The following MED26 variants were observed in gnomAD, a reference collection of about 807,000 sequenced individuals.
MED26 encodes mediator complex subunit 26, also known as mediator of RNA polymerase II transcription subunit 26.
Under a neutral mutation model 43.7 loss-of-function variants are expected in MED26, and 7 were observed. The ratio of observed to expected loss-of-function variants is 0.16; its 90% CI spans 0.09 to 0.30. The LOEUF (loss-of-function observed/expected upper bound fraction) is 0.30, where lower values mean the gene tolerates loss of function less well. Among genes scored for constraint, MED26 ranks in the 10% least tolerant of loss-of-function variants. The pLI is 1.00. For synonymous variants in MED26, 375 were observed against 371.1 expected (o/e 1.01, Z -0.12); for missense variants, 784 against 840.6 (o/e 0.93, Z 0.83).
intron 1 of MED26, among the ~76,000 whole-genome samples, chr19:16,596,688 C>G (rs957140132): frequency 2.0e-5 from 3 of 152,170 alleles, no homozygotes; most frequent in Non-Finnish European, 4.4e-5. Flanking sequence ...GTGGAAGAGG[C>G]AAGAGCAGAT....
intron 1 of MED26, among the ~76,000 whole-genome samples, chr19:16,584,410 C>A (rs1168469374): frequency 6.6e-6 from 1 of 152,166 alleles, no homozygotes; most frequent in Non-Finnish European, 1.5e-5. Flanking sequence ...AGCCACAATT[C>A]CAGCCAGCCT....
intron 1 of MED26, among the ~76,000 whole-genome samples, chr19:16,591,760 T>C (rs907758924): frequency 1.3e-5 from 2 of 152,248 alleles, no homozygotes; most frequent in Non-Finnish European, 2.9e-5. Context: ...GGATCCATCC[T>C]CCTGACCTGA....
Position 16,577,616 on chromosome 19 carries a change from G to A in MED26, c.214C>T (p.Arg72Trp). 1 of 1,597,004 alleles carries A rather than the reference G, an allele frequency of 6.3e-7. No homozygotes were observed. Among genetic ancestry groups the A allele is most frequent in the Non-Finnish European group, 8.6e-7 (1 of 1,169,344 alleles). ...CAGCTCCGCAGCAGCTTCTTGGCCCGCTTGGCGAGCTCCTCGTTCTTGGTT... is the reference window on the plus strand; with the variant it reads ...CAGCTCCGCAGCAGCTTCTTGGCCCACTTGGCGAGCTCCTCGTTCTTGGTT... Reference protein sequence around the residue: ...KKTKNEELAKRAKKLLRSWQK... With the variant: ...KKTKNEELAKWAKKLLRSWQK... Residue 72 changes from arginine (R) to tryptophan (W), a missense_variant, in exon 3 of 3, where the codon CGG (arginine) becomes TGG (tryptophan). Arg to Trp is a moderately radical substitution (Grantham distance 101). Transcript: ENST00000263390. This position sits in a 1 kb window ranked among gnomAD's most constrained non-coding sequence, Gnocchi z 8.1.
In MED26 at chr19:16,586,279, G is replaced by C. The variant is rs116503217; in HGVS notation, c.73-7870C>G. On this transcript the variant is annotated intron_variant, in intron 1 of 2. Transcript: ENST00000263390. The surrounding 1 kb of genome is among the most constrained non-coding windows in gnomAD (Gnocchi z 5.1). Reference sequence around the variant, plus strand: ...CTCACAAGCGCACTCTACAGATAAGGTAACTGAGGGCCAGGAAGGTAATGG... The same window carrying C: ...CTCACAAGCGCACTCTACAGATAAGCTAACTGAGGGCCAGGAAGGTAATGG... 6.6e-6 allele frequency among the ~76,000 whole-genome samples: 1 copy of C among 152,244 alleles called. No homozygotes were observed. The highest frequency in any genetic ancestry group is 2.1e-4 in the South Asian group (1 of 4,836).
chr19:16,609,941 T>TAAAAAAAA (rs869040520), intron 1 of MED26, among the ~76,000 whole-genome samples: 3 of 84,670 alleles, frequency 3.5e-5, no homozygotes, highest in African/African-American at 1.4e-4. Context: ...AAGCACTCTT[T>TAAAAAAAA]AAAAAAAAAA....
chr19:16,618,761 G>C (rs2086237269), intron 1 of MED26, among the ~76,000 whole-genome samples: 1 of 152,156 alleles, frequency 6.6e-6, no homozygotes, highest in Non-Finnish European at 1.5e-5. Flanking sequence ...GGACTGTTTG[G>C]GTGGAACCCA....
chr19:16,582,067 G>T (rs1163723682), intron 1 of MED26, among the ~76,000 whole-genome samples: 1 of 152,266 alleles, frequency 6.6e-6, no homozygotes, highest in South Asian at 2.1e-4. Flanking sequence ...CCAGCCCGGT[G>T]AGACTGGAGC....
At chr19:16,598,634 G>C (rs1320524669) in intron 1 of MED26, among the ~76,000 whole-genome samples, 1 of 152,168 alleles carries the variant, frequency 6.6e-6, no homozygotes, top group Non-Finnish European at 1.5e-5. Context: ...GTCAACAACT[G>C]CTGTTCCCCT....
intron 1 of MED26, among the ~76,000 whole-genome samples, chr19:16,604,952 A>T (rs2086165729): frequency 6.6e-6 from 1 of 152,144 alleles, no homozygotes; most frequent in East Asian, 1.9e-4. Context: ...CAGGTAAGAA[A>T]ATCAGTACCT....
chr19:16,624,195 T>C (rs1283520987), intron 1 of MED26: 1 of 151,914 alleles, frequency 6.6e-6, no homozygotes, highest in Admixed American at 6.6e-5. Flanking sequence ...TGGAAGGAGC[T>C]TTATGGGGTG....
chr19:16,606,146 G>A (rs1233746275), intron 1 of MED26, among the ~76,000 whole-genome samples: 1 of 152,226 alleles, frequency 6.6e-6, no homozygotes, highest in Non-Finnish European at 1.5e-5. Flanking sequence ...CAGCAGGTGA[G>A]GTCAGGAGAC....
chr19:16,590,835 TG>T, intron 1 of MED26, among the ~76,000 whole-genome samples: 1 of 151,992 alleles, frequency 6.6e-6, no homozygotes, highest in East Asian at 1.9e-4. Context: ...GCCAGGAGTT[TG>T]AGACCAGCCT....
At chr19:16,623,785 T>C (rs1331448294) in intron 1 of MED26, among the ~76,000 whole-genome samples, 1 of 152,210 alleles carries the variant, frequency 6.6e-6, no homozygotes, top group Non-Finnish European at 1.5e-5. Flanking sequence ...GTGGTGGTGT[T>C]CAGAGTTGAA....
intron 1 of MED26, among the ~76,000 whole-genome samples, chr19:16,601,470 T>C (rs947611544): frequency 2.0e-5 from 3 of 152,182 alleles, no homozygotes; most frequent in Non-Finnish European, 2.9e-5. Context: ...ACTGGCTCTT[T>C]TACCACACTC....
intron 1 of MED26, among the ~76,000 whole-genome samples, chr19:16,603,281 A>G (rs989165557): frequency 6.6e-6 from 1 of 152,180 alleles, no homozygotes; most frequent in African/African-American, 2.4e-5. Flanking sequence ...CAAGATAAGC[A>G]TGAACATCGC....
chr19:16,576,411 T>A lies in MED26; in HGVS notation c.1419A>T (p.Glu473Asp). The change falls in exon 3 of 3, where the codon GAA (glutamate) becomes GAT (aspartate). Residue 473 changes from glutamate to aspartate, a missense_variant. Glu to Asp is a conservative substitution (Grantham distance 45). This residue lies in a region of MED26 where 719 missense variants were observed against 730.9 expected (regional missense o/e 0.98). Transcript: ENST00000263390. This position sits in a 1 kb window ranked among gnomAD's most constrained non-coding sequence, Gnocchi z 6.8. ...EAKASLQSPFEQTNWKELSRN... is the reference protein window; with the variant it reads ...EAKASLQSPFDQTNWKELSRN... Reference sequence around the variant, plus strand: ...GTGACAGCTCCTTCCAGTTCGTCTGTTCGAAGGGGCTCTGGAGGCTGGCCT... The same window carrying A: ...GTGACAGCTCCTTCCAGTTCGTCTGATCGAAGGGGCTCTGGAGGCTGGCCT... 1 of 1,614,088 alleles carries A rather than the reference T, an allele frequency of 6.2e-7. No homozygotes were observed. Among genetic ancestry groups the A allele is most frequent in the South Asian group, 1.1e-5 (1 of 91,082 alleles).
chr19:16,610,692 T>A (rs562851741), intron 1 of MED26: 2 of 152,336 alleles, frequency 1.3e-5, no homozygotes, highest in South Asian at 4.1e-4. Context: ...GCCACCATCC[T>A]TATAATTTCT....
intron 1 of MED26, among the ~76,000 whole-genome samples, chr19:16,582,119 G>A (rs891296804): frequency 6.6e-6 from 1 of 152,272 alleles, no homozygotes; most frequent in African/African-American, 2.4e-5. Context: ...AATGTGTGTT[G>A]TGTAAGACAC....
Position 16,603,321 on chromosome 19 carries a change from T to G in MED26, c.72+24551A>C, listed in dbSNP as rs1342352172. Among the ~76,000 whole-genome samples the G allele has an allele frequency of 5.3e-5, 8 of 152,206 alleles. No individual in the cohort carries two copies. In the East Asian group the frequency reaches 1.5e-3, roughly 29 times the overall value. On this transcript the variant is annotated intron_variant, in intron 1 of 2. Coordinates refer to ENST00000263390, the MANE Select transcript of MED26 (RefSeq NM_004831.5). Reference sequence around the variant, plus strand: ...TTGTGGGACTGTGGGAGGGATCAGATGGCCATGTGGGAGAACTTGCAAGGC... The same window carrying G: ...TTGTGGGACTGTGGGAGGGATCAGAGGGCCATGTGGGAGAACTTGCAAGGC...
Sources: allele counts gnomAD v4.1 joint callset (sites outside exome capture counted in the v4.1 genomes callset), GRCh38; gene constraint gnomAD v4.1.1; regional missense constraint gnomAD v4.1.1; non-coding constraint Gnocchi (gnomAD v3.1); transcripts MANE v1.5; gene names NCBI Gene and HGNC (gene_info 2026-07-23, HGNC 2026-07-21).